Variants in PRKN observed in about 807,000 individuals in gnomAD.
The protein encoded by PRKN is parkin RBR E3 ubiquitin protein ligase.
PRKN carries 56 observed loss-of-function variants against 59.5 expected under a neutral mutation model. The ratio of observed to expected loss-of-function variants is 0.94; its 90% CI spans 0.76 to 1.18. The LOEUF is 1.18. Among genes scored for constraint, PRKN ranks in the 50% most tolerant of loss-of-function variants. The pLI, the probability that PRKN is intolerant of heterozygous loss-of-function variation, is 0.00. For synonymous variants in PRKN, 250 were observed against 222.1 expected, an observed-to-expected ratio of 1.13 and a Z score of -1.12; for missense variants, 657 against 596.4, an observed-to-expected ratio of 1.10 and a Z score of -1.06.
At chr6:162,583,782 G>GA (rs1483426388) in intron 1 of PRKN, among the ~76,000 whole-genome samples, 1 of 152,006 alleles carries the variant, frequency 6.6e-6, no homozygotes, top group Non-Finnish European at 1.5e-5. Flanking sequence ...ATCCTATAAA[G>GA]AAAAAATTTT....
At chr6:161,411,384 TC>T (rs1787534646) in intron 9 of PRKN, among the ~76,000 whole-genome samples, 1 of 152,284 alleles carries the variant, frequency 6.6e-6, no homozygotes, top group Non-Finnish European at 1.5e-5. Flanking sequence ...ATGCCTTTGC[TC>T]CCTCATTGGC....
chr6:162,402,087 C>T (rs1312383505), intron 2 of PRKN, among the ~76,000 whole-genome samples: 1 of 151,524 alleles, frequency 6.6e-6, no homozygotes, highest in East Asian at 1.9e-4. Flanking sequence ...CAGTCTCTAC[C>T]AAAAAACAAA....
At chr6:161,716,672 C>G (rs1405984114) in intron 7 of PRKN, among the ~76,000 whole-genome samples, 1 of 152,154 alleles carries the variant, frequency 6.6e-6, no homozygotes, top group East Asian at 1.9e-4. Flanking sequence ...GTTGGGCAGA[C>G]AAGGCTTGAG....
chr6:161,950,493 C>T (rs925528133), intron 6 of PRKN, among the ~76,000 whole-genome samples: 5 of 152,072 alleles, frequency 3.3e-5, no homozygotes, highest in South Asian at 2.1e-4. Flanking sequence ...TAAGTGAAGC[C>T]GAGATTGCGC....
chr6:161,422,645 A>G (rs1317268765), intron 9 of PRKN, among the ~76,000 whole-genome samples: 4 of 152,088 alleles, frequency 2.6e-5, no homozygotes, highest in Admixed American at 1.3e-4. Context: ...TGAAAGAATT[A>G]TGAAGAAGGA....
intron 4 of PRKN, among the ~76,000 whole-genome samples, chr6:162,078,083 A>G (rs1429355998): frequency 1.3e-5 from 2 of 151,862 alleles, no homozygotes; most frequent in African/African-American, 4.8e-5. Flanking sequence ...AGCATATGGG[A>G]TAAGTTGAAA....
chr6:162,711,819 C>T (rs904289383), intron 1 of PRKN, among the ~76,000 whole-genome samples: 22 of 152,186 alleles, frequency 1.4e-4, no homozygotes, highest in African/African-American at 5.3e-4. Flanking sequence ...TTATCATTGA[C>T]AATGAGACCC....
chr6:162,095,490 ATTTTAT>A (rs1179421931), intron 4 of PRKN, among the ~76,000 whole-genome samples: 3 of 152,106 alleles, frequency 2.0e-5, no homozygotes, highest in Non-Finnish European at 4.4e-5. Context: ...GAGATTAATT[ATTTTAT>A]TTTTATGTAA....
rs1786205331 is a variant in PRKN at position 161,385,583 on chromosome 6, CT to C, written c.1167+1210del. ...TACAGCTACTGTTTCCAAATAAATACTGTAGATGCCAGAGTATCACTTTGTG... is the reference window on the plus strand; with the variant it reads ...TACAGCTACTGTTTCCAAATAAATACGTAGATGCCAGAGTATCACTTTGTG... On this transcript the variant is annotated intron_variant, in intron 10 of 11. Coordinates refer to ENST00000366898, the MANE Select transcript of PRKN (RefSeq NM_004562.3). This position sits in a 1 kb window ranked among gnomAD's most constrained non-coding sequence, Gnocchi z 4.9. 6.6e-6 allele frequency among the ~76,000 whole-genome samples: 1 copy of C among 152,148 alleles called. No individual in the cohort carries two copies. Among genetic ancestry groups the C allele is most frequent in the Non-Finnish European group, 1.5e-5 (1 of 68,028 alleles).
chr6:162,376,863 G>A (rs1309781208), intron 2 of PRKN, among the ~76,000 whole-genome samples: 1 of 101,170 alleles, frequency 9.9e-6, no homozygotes, highest in Non-Finnish European at 2.0e-5. Context: ...GAGGGGAAAG[G>A]GGGAGGAAGA....
intron 3 of PRKN, among the ~76,000 whole-genome samples, chr6:162,234,177 C>T (rs908297061): frequency 6.6e-6 from 1 of 152,044 alleles, no homozygotes; most frequent in African/African-American, 2.4e-5. Context: ...AACAGGTACA[C>T]GACAATTTGC....
chr6:161,843,638 G>A lies in PRKN; in HGVS notation c.735-57730C>T, dbSNP rs188655289. On this transcript the variant is annotated intron_variant, in intron 6 of 11. Transcript: ENST00000366898. ...CCATCTCTACTAAAAATACAAAAAG[G>A]AATTAGATAGGCATGGTGGCGGGCA... is the stretch of plus-strand genomic sequence containing the variant. Among the ~76,000 whole-genome samples the A allele has an allele frequency of 6.5e-3, 995 of 152,088 alleles. 15 individuals are homozygous for A. Among genetic ancestry groups the A allele is most frequent in the South Asian group, 0.03 (146 of 4,820 alleles).
intron 7 of PRKN, among the ~76,000 whole-genome samples, chr6:161,673,279 G>T (rs1784975362): frequency 6.6e-6 from 1 of 152,192 alleles, no homozygotes; most frequent in African/African-American, 2.4e-5. Context: ...CGGGGTGGGG[G>T]CTGGGAATGC....
At chr6:161,767,372 T>C (rs761993852) in intron 7 of PRKN, among the ~76,000 whole-genome samples, 153 of 151,830 alleles carry the variant, frequency 1.0e-3, no homozygotes, top group Non-Finnish European at 1.8e-3. Context: ...ACAAAATTAG[T>C]CGGGTGTGGT....
intron 3 of PRKN, among the ~76,000 whole-genome samples, chr6:162,230,895 C>A (rs866747475): frequency 1.3e-5 from 2 of 152,186 alleles, no homozygotes; most frequent in Non-Finnish European, 2.9e-5. Flanking sequence ...TCTGTTGTAG[C>A]TTTCTGATCT....
At chr6:162,066,899 CT>C (rs2128289498) in intron 4 of PRKN, among the ~76,000 whole-genome samples, 1 of 152,268 alleles carries the variant, frequency 6.6e-6, no homozygotes, top group East Asian at 1.9e-4. Context: ...CTCCTCTCTT[CT>C]TTTATGGTAA....
chr6:161,482,214 A>G (rs970427161), intron 9 of PRKN, among the ~76,000 whole-genome samples: 3 of 152,258 alleles, frequency 2.0e-5, no homozygotes, highest in African/African-American at 7.2e-5. Flanking sequence ...TAGATTTCAC[A>G]ACAAATGATA....
chr6:162,653,951 T>C (rs1778543513), intron 1 of PRKN, among the ~76,000 whole-genome samples: 1 of 152,204 alleles, frequency 6.6e-6, no homozygotes, highest in African/African-American at 2.4e-5. Flanking sequence ...AAAACTGCTT[T>C]CTTTGTTCAA....
At position 162,431,688 on chromosome 6, in the gene PRKN, A is replaced by G. The variant is rs558819064; in HGVS notation, c.171+11622T>C. 5.9e-5 allele frequency among the ~76,000 whole-genome samples: 9 copies of G among 152,366 alleles called. No homozygotes were observed. In the South Asian group the frequency reaches 1.9e-3, roughly 32 times the overall value. ...TCATCAATCTCTTCTATTAAAAACA[A>G]ACAAAATACTAAAAGAAAACTGCCA... On this transcript the variant is annotated intron_variant, in intron 2 of 11. Coordinates refer to ENST00000366898, the MANE Select transcript of PRKN (RefSeq NM_004562.3).
Sources: gnomAD v4.1 joint callset for allele counts (sites outside exome capture counted in the v4.1 genomes callset) on GRCh38, gnomAD v4.1.1 for gene constraint, Gnocchi (gnomAD v3.1) non-coding constraint, MANE v1.5 for transcripts, NCBI Gene and HGNC (gene_info 2026-07-23, HGNC 2026-07-21) for gene names.